DNAJC5B: variants seen among roughly 807,000 people sequenced by gnomAD.
DNAJC5B encodes DnaJ heat shock protein family (Hsp40) member C5 beta.
DNAJC5B carries 23 observed loss-of-function variants against 24.7 expected under a neutral mutation model. The ratio of observed to expected loss-of-function variants is 0.93; its 90% CI spans 0.67 to 1.32. DNAJC5B has a LOEUF of 1.32. Ranked by LOEUF, DNAJC5B falls within the 40% of genes most tolerant of loss-of-function variation. The probability of loss-of-function intolerance (pLI) is 0.00; values close to 1 mark genes in which losing one functional copy is unlikely to be tolerated. For missense variants in DNAJC5B, 238 were observed against 240.8 expected (o/e 0.99, Z 0.08); for synonymous variants, 101 against 90.1 (o/e 1.12, Z -0.68).
intron 1 of DNAJC5B, among the ~76,000 whole-genome samples, chr8:66,030,469 T>A (rs1445093544): frequency 6.6e-6 from 1 of 152,226 alleles, no homozygotes; most frequent in African/African-American, 2.4e-5. Context: ...ACTCATGTTG[T>A]CAGAAAGTAG....
At chr8:66,030,526 C>T (rs1230440821) in intron 1 of DNAJC5B, among the ~76,000 whole-genome samples, 3 of 152,228 alleles carry the variant, frequency 2.0e-5, no homozygotes. Flanking sequence ...GTGTCCTTCC[C>T]CTGCCACCAC....
chr8:66,022,205 C>T (rs1806144769), intron 1 of DNAJC5B, among the ~76,000 whole-genome samples: 1 of 152,166 alleles, frequency 6.6e-6, no homozygotes, highest in African/African-American at 2.4e-5. Flanking sequence ...CCCACCCCGC[C>T]CCCAGCAACT....
chr8:66,100,172 G>GAT lies in DNAJC5B; in HGVS notation c.*141_*142insAT. 1 of 654,928 alleles carries GAT rather than the reference G, an allele frequency of 1.5e-6. No individual in the cohort carries two copies. The highest frequency in any genetic ancestry group is 2.5e-6 in the Non-Finnish European group (1 of 397,414). The allele number at this position is 654,928 out of a possible 1,614,324, so 40.6% of individuals were successfully genotyped here. ...ATTTTTGGGTTAGGAAAACATGATT[G>GAT]CTATATAATTTTCTCAGTATGCAGA... On this transcript the variant is annotated 3_prime_UTR_variant, in exon 6 of 6. Transcript: ENST00000276570.
At chr8:66,032,327 G>A (rs185656140) in intron 1 of DNAJC5B, among the ~76,000 whole-genome samples, 132 of 152,376 alleles carry the variant, frequency 8.7e-4, no homozygotes, top group Middle Eastern at 3.4e-3. Flanking sequence ...TGAACATGTG[G>A]GACCTGAGTG....
chr8:66,054,986 T>G (rs1444482818), intron 3 of DNAJC5B, among the ~76,000 whole-genome samples: 2 of 152,184 alleles, frequency 1.3e-5, no homozygotes, highest in African/African-American at 4.8e-5. Flanking sequence ...GACATCCAAC[T>G]TCCTTGTAAT....
intron 1 of DNAJC5B, among the ~76,000 whole-genome samples, chr8:66,029,182 T>G (rs1484437185): frequency 6.6e-6 from 1 of 152,212 alleles, no homozygotes; most frequent in Non-Finnish European, 1.5e-5. Flanking sequence ...GACATTCTCC[T>G]GACATTTAAA....
At chr8:66,095,216 G>C (rs1379312151) in intron 5 of DNAJC5B, among the ~76,000 whole-genome samples, 1 of 152,060 alleles carries the variant, frequency 6.6e-6, no homozygotes, top group African/African-American at 2.4e-5. Flanking sequence ...GGGCTAGCAT[G>C]TAACTGTGCA....
intron 2 of DNAJC5B, among the ~76,000 whole-genome samples, chr8:66,049,401 T>C (rs2128959524): frequency 6.6e-6 from 1 of 152,344 alleles, no homozygotes; most frequent in South Asian, 2.1e-4. Flanking sequence ...GTGCTCCATA[T>C]AGGTGTACCA....
chr8:66,032,288 A>C (rs754897207), intron 1 of DNAJC5B, among the ~76,000 whole-genome samples: 1 of 152,168 alleles, frequency 6.6e-6, no homozygotes, highest in Non-Finnish European at 1.5e-5. Flanking sequence ...GCTGGCCAAC[A>C]CTCAGGGCAG....
At chr8:66,066,040 T>G (rs1223587181) in intron 3 of DNAJC5B, among the ~76,000 whole-genome samples, 1 of 152,192 alleles carries the variant, frequency 6.6e-6, no homozygotes, top group African/African-American at 2.4e-5. Flanking sequence ...GGAAATCTGA[T>G]GGTCAGGCTA....
At chr8:66,035,798 G>T (rs778067335) in intron 1 of DNAJC5B, among the ~76,000 whole-genome samples, 4 of 152,296 alleles carry the variant, frequency 2.6e-5, no homozygotes, top group East Asian at 3.9e-4. Flanking sequence ...TCATGTTTGG[G>T]CAGGAGGGCA....
chr8:66,083,092 A>G (rs1324244296), intron 5 of DNAJC5B, among the ~76,000 whole-genome samples: 1 of 146,846 alleles, frequency 6.8e-6, no homozygotes, highest in East Asian at 2.0e-4. Flanking sequence ...GCTCACTGCA[A>G]CCGCCGCCTC....
upstream of DNAJC5B, among the ~76,000 whole-genome samples, chr8:66,021,362 C>G (rs897214900): frequency 6.6e-6 from 1 of 152,196 alleles, no homozygotes; most frequent in Non-Finnish European, 1.5e-5. Context: ...CCTGAGGGCC[C>G]TCACAAGGTT....
chr8:66,031,475 G>A (rs1410473609), intron 1 of DNAJC5B, among the ~76,000 whole-genome samples: 3 of 152,124 alleles, frequency 2.0e-5, no homozygotes, highest in Non-Finnish European at 4.4e-5. Flanking sequence ...AGCACCTACT[G>A]TATTAGTCAG....
rs114662212 is a variant in DNAJC5B at position 66,093,033 on chromosome 8, T to C, written c.506-6904T>C. Among the ~76,000 whole-genome samples, 1,205 of 152,258 alleles carry C rather than the reference T, an allele frequency of 7.9e-3. 18 individuals are homozygous for C. The highest frequency in any genetic ancestry group is 0.027 in the African/African-American group (1,140 of 41,568). ...CCATTTTATGTCTGTGTGTGCTCCATTCAGCGTTGTCCTTCTGAGATTCAT... is the reference window on the plus strand; with the variant it reads ...CCATTTTATGTCTGTGTGTGCTCCACTCAGCGTTGTCCTTCTGAGATTCAT... On this transcript the variant is annotated intron_variant, in intron 5 of 5. Transcript: ENST00000276570.
At chr8:66,049,646 C>A (rs1343598723) in intron 2 of DNAJC5B, among the ~76,000 whole-genome samples, 2 of 152,190 alleles carry the variant, frequency 1.3e-5, no homozygotes, top group Non-Finnish European at 2.9e-5. Context: ...CGGAACATAG[C>A]CTCATCGTTA....
intron 1 of DNAJC5B, among the ~76,000 whole-genome samples, chr8:66,021,974 T>C (rs1330365381): frequency 6.6e-6 from 1 of 152,136 alleles, no homozygotes; most frequent in Admixed American, 6.5e-5. Flanking sequence ...AAAAATAAGT[T>C]AACTAAGGAA....
intron 1 of DNAJC5B, among the ~76,000 whole-genome samples, chr8:66,026,207 T>C (rs1034317513): frequency 6.8e-6 from 1 of 147,988 alleles, no homozygotes; most frequent in African/African-American, 2.6e-5. Context: ...AGTTCACTCA[T>C]GATTTGGCTC....
At chr8:66,069,089 C>T (rs1435926093) in intron 3 of DNAJC5B, among the ~76,000 whole-genome samples, 1 of 151,378 alleles carries the variant, frequency 6.6e-6, no homozygotes, top group Non-Finnish European at 1.5e-5. Context: ...TATATAATTT[C>T]TAAACCAACA....
Sources: gnomAD v4.1 joint callset for allele counts (sites outside exome capture counted in the v4.1 genomes callset) on GRCh38, gnomAD v4.1.1 for gene constraint, MANE v1.5 for transcripts, NCBI Gene and HGNC (gene_info 2026-07-23, HGNC 2026-07-21) for gene names.